Variants in SBK1 observed in about 807,000 individuals in gnomAD.
SBK1 encodes SH3 domain binding kinase 1, also known as serine/threonine-protein kinase SBK1.
In SBK1, 11 loss-of-function variants were observed where a neutral mutation model predicts 24.4. That is an observed-to-expected ratio of 0.45 (90% CI 0.28 to 0.75). SBK1 has a LOEUF of 0.75. Ranked by LOEUF, SBK1 falls within the 30% of genes least tolerant of loss-of-function variation. The pLI is 0.12. For missense variants in SBK1, 467 were observed against 620.5 expected (o/e 0.75, Z 2.63); for synonymous variants, 308 against 284.4 (o/e 1.08, Z -0.83).
chr16:28,309,409 G>A (rs963146842), intron 1 of SBK1, among the ~76,000 whole-genome samples: 1 of 152,198 alleles, frequency 6.6e-6, no homozygotes, highest in African/African-American at 2.4e-5. Context: ...CTGAGGGACA[G>A]GTGGCTGTCT....
intron 1 of SBK1, among the ~76,000 whole-genome samples, chr16:28,296,457 C>T (rs1165161003): frequency 5.3e-5 from 8 of 152,004 alleles, no homozygotes; most frequent in Non-Finnish European, 1.0e-4. Flanking sequence ...AGACTGGTCT[C>T]GAACACCTGA....
chr16:28,279,512 C>T (rs1202887582), intron 1 of SBK1, among the ~76,000 whole-genome samples: 1 of 151,922 alleles, frequency 6.6e-6, no homozygotes, highest in Admixed American at 6.6e-5. Context: ...AATAAGAGGC[C>T]CCACGTTTAA....
intron 1 of SBK1, among the ~76,000 whole-genome samples, chr16:28,308,008 C>T (rs1486473574): frequency 6.6e-6 from 1 of 152,096 alleles, no homozygotes; most frequent in Non-Finnish European, 1.5e-5. Context: ...AGGAACAAGC[C>T]GTCTTCTCTT....
At chr16:28,298,679 C>A (rs945544849) in intron 1 of SBK1, among the ~76,000 whole-genome samples, 6 of 152,272 alleles carry the variant, frequency 3.9e-5, no homozygotes, top group Non-Finnish European at 8.8e-5. Context: ...TGCAAATGAG[C>A]TGATCCAGGC....
At chr16:28,278,962 A>C (rs1005429329) in intron 1 of SBK1, among the ~76,000 whole-genome samples, 3 of 152,250 alleles carry the variant, frequency 2.0e-5, no homozygotes. Flanking sequence ...GTGGTGGCTC[A>C]TGCCTGTAAT....
intron 1 of SBK1, among the ~76,000 whole-genome samples, chr16:28,271,698 T>C (rs1406218241): frequency 1.3e-5 from 2 of 152,236 alleles, no homozygotes; most frequent in African/African-American, 2.4e-5. Context: ...GAATACCTAA[T>C]GTTTTTGAAT....
intron 1 of SBK1, among the ~76,000 whole-genome samples, chr16:28,307,364 G>C (rs2044724430): frequency 1.3e-5 from 2 of 151,880 alleles, no homozygotes; most frequent in South Asian, 4.1e-4. Context: ...GCAGAGCCAA[G>C]ATTCAAATCC....
intron 1 of SBK1, among the ~76,000 whole-genome samples, chr16:28,304,289 C>A (rs1332326247): frequency 6.6e-6 from 1 of 152,160 alleles, no homozygotes; most frequent in African/African-American, 2.4e-5. Context: ...CCTGGAACCT[C>A]CCCCAGCCTC....
chr16:28,319,997 G>A lies in SBK1; in HGVS notation c.430-79G>A, dbSNP rs2044826583. ...GTGGGAGGCGAAAACCGCCTTGCTA[G>A]AGAGGGAGCTGGAGGGGAGGGCGGC... On this transcript the variant is annotated intron_variant, in intron 3 of 3. Transcript: ENST00000341901. The surrounding 1 kb of genome is among the most constrained non-coding windows in gnomAD (Gnocchi z 4.0). 2.9e-6 allele frequency: 4 copies of A among 1,379,886 alleles called. No individual in the cohort carries two copies. The highest frequency in any genetic ancestry group is 3.8e-6 in the Non-Finnish European group (4 of 1,060,146). 85.5% of individuals were successfully genotyped at this position (1,379,886 alleles called of 1,614,324 possible). A position where few individuals can be genotyped will look rare whatever the true frequency, so the allele number is the denominator to read the frequency against.
At chr16:28,274,670 C>T (rs1701478392) in intron 1 of SBK1, among the ~76,000 whole-genome samples, 1 of 151,574 alleles carries the variant, frequency 6.6e-6, no homozygotes. Context: ...AAAAGAAACA[C>T]GTTCTGCTCA....
chr16:28,311,757 C>T (rs1402759344), intron 1 of SBK1, among the ~76,000 whole-genome samples: 4 of 151,952 alleles, frequency 2.6e-5, no homozygotes, highest in Admixed American at 1.3e-4. Flanking sequence ...AGAGAGGCAG[C>T]GTGGGGTAGT....
upstream of SBK1, among the ~76,000 whole-genome samples, chr16:28,289,782 A>C (rs1418108599): frequency 7.3e-5 from 11 of 150,704 alleles, no homozygotes. Flanking sequence ...AAAAAAAAAA[A>C]ACAAAAACAA....
At chr16:28,281,302 C>A (rs1179020483) in intron 1 of SBK1, among the ~76,000 whole-genome samples, 1 of 152,186 alleles carries the variant, frequency 6.6e-6, no homozygotes, top group Non-Finnish European at 1.5e-5. Flanking sequence ...TCCTGCTCCA[C>A]CCCAGCCTGC....
At chr16:28,274,444 G>A (rs900166820) in intron 1 of SBK1, among the ~76,000 whole-genome samples, 2 of 152,140 alleles carry the variant, frequency 1.3e-5, no homozygotes, top group Non-Finnish European at 2.9e-5. Context: ...GAGGTCTGGA[G>A]TCCAAGACCA....
Position 28,266,064 on chromosome 16 carries a change from T to A in SBK1, c.257+6562T>A, listed in dbSNP as rs188751388. On this transcript the variant is annotated intron_variant, in intron 1 of 3. Coordinates refer to the SBK1 transcript ENST00000671413. ...AACACACACATGTAATTTCTCTGTA[T>A]CCTAAAGCCCCATTGAAAGGACAGT... Among the ~76,000 whole-genome samples the A allele has an allele frequency of 2.3e-3, 353 of 151,998 alleles. 2 individuals carry two copies. Among genetic ancestry groups the A allele is most frequent in the Non-Finnish European group, 4.1e-3 (278 of 67,984 alleles).
intron 1 of SBK1, among the ~76,000 whole-genome samples, chr16:28,314,707 C>T (rs941242452): frequency 8.5e-5 from 13 of 152,166 alleles, no homozygotes; most frequent in Non-Finnish European, 1.6e-4. Flanking sequence ...GGGCCAGGTG[C>T]GGTGGCTCAC....
At chr16:28,299,060 C>T (rs555108254) in intron 1 of SBK1, among the ~76,000 whole-genome samples, 110 of 152,320 alleles carry the variant, frequency 7.2e-4, no homozygotes, top group African/African-American at 2.5e-3. Flanking sequence ...CCAGCCCTGA[C>T]CCTAGGTGTC....
At chr16:28,318,563 A>G (rs2141591714) in intron 2 of SBK1, among the ~76,000 whole-genome samples, 1 of 152,352 alleles carries the variant, frequency 6.6e-6, no homozygotes, top group South Asian at 2.1e-4. Flanking sequence ...CCAGCTATGT[A>G]CCAGATGGGC....
intron 1 of SBK1, among the ~76,000 whole-genome samples, chr16:28,266,748 T>A (rs60098639): frequency 0.065 from 6,612 of 101,056 alleles, 179 homozygotes; most frequent in African/African-American, 0.11. Flanking sequence ...TTTTTTTTTT[T>A]AAAAAAAAAA....
Sources: gnomAD v4.1 joint callset for allele counts (sites outside exome capture counted in the v4.1 genomes callset) on GRCh38, gnomAD v4.1.1 for gene constraint, Gnocchi (gnomAD v3.1) non-coding constraint, MANE v1.5 for transcripts, NCBI Gene and HGNC (gene_info 2026-07-23, HGNC 2026-07-21) for gene names.